The following INSL6 variants were observed in gnomAD, a reference collection of about 807,000 sequenced individuals.
INSL6 encodes insulin-like peptide INSL6.
In INSL6, 16 loss-of-function variants were observed where a neutral mutation model predicts 9.4. That is an observed-to-expected ratio of 1.70 (90% CI 1.15 to 2.59). INSL6 has a LOEUF of 2.59. Among genes scored for constraint, INSL6 ranks in the 30% most tolerant of loss-of-function variants. The probability of loss-of-function intolerance (pLI) is 0.00; values close to 1 mark genes in which losing one functional copy is unlikely to be tolerated. For synonymous variants in INSL6, 154 were observed against 96.9 expected (o/e 1.59, Z -3.46); for missense variants, 391 against 257.3 (o/e 1.52, Z -3.56).
At chr9:5,096,454 A>G in the INSL6 span, among the ~76,000 whole-genome samples, 2 of 152,186 alleles carry the variant, frequency 1.3e-5, no homozygotes, top group South Asian at 4.1e-4. Flanking sequence ...GTTAACAGCT[A>G]AATACCCTAA....
the INSL6 span, among the ~76,000 whole-genome samples, chr9:5,039,097 G>T: frequency 6.6e-6 from 1 of 152,120 alleles, no homozygotes; most frequent in African/African-American, 2.4e-5. Context: ...GATCAGGAAT[G>T]AGATGAGGAT....
the INSL6 span, chr9:5,041,689 G>T: frequency 5.9e-6 from 3 of 510,600 alleles, no homozygotes; most frequent in Non-Finnish European, 1.2e-5. Context: ...TTCGACCGAA[G>T]CGGCTTCGTG....
chr9:5,128,354 A>C (rs1032058137), intron 3 of INSL6, among the ~76,000 whole-genome samples: 3 of 151,852 alleles, frequency 2.0e-5, no homozygotes, highest in African/African-American at 7.2e-5. Context: ...ACAGTGAATT[A>C]GGTTTTAAAA....
At chr9:5,057,285 T>C in the INSL6 span, among the ~76,000 whole-genome samples, 3 of 152,140 alleles carry the variant, frequency 2.0e-5, no homozygotes, top group African/African-American at 7.2e-5. Flanking sequence ...GAAAGTAATT[T>C]TTGCTTATTA....
At chr9:5,092,030 G>A in the INSL6 span, among the ~76,000 whole-genome samples, 1 of 151,972 alleles carries the variant, frequency 6.6e-6, no homozygotes, top group African/African-American at 2.4e-5. Context: ...AATTCGGAGA[G>A]GATTATCATT....
the INSL6 span, among the ~76,000 whole-genome samples, chr9:5,075,803 G>A: frequency 1.3e-5 from 2 of 152,140 alleles, no homozygotes; most frequent in Non-Finnish European, 2.9e-5. Context: ...ATTTTGTAAG[G>A]CTAAGCTGCC....
intron 3 of INSL6, among the ~76,000 whole-genome samples, chr9:5,131,334 C>G (rs952406196): frequency 4.0e-5 from 6 of 151,780 alleles, no homozygotes; most frequent in Non-Finnish European, 8.8e-5. Flanking sequence ...TTTAAGACCC[C>G]TCAATTTTTT....
At chr9:5,143,326 C>A (rs1313900230) in intron 2 of INSL6, among the ~76,000 whole-genome samples, 1 of 151,196 alleles carries the variant, frequency 6.6e-6, no homozygotes, top group Non-Finnish European at 1.5e-5. Context: ...TGGTCCTGGG[C>A]CTTTTTTGGT....
chr9:5,142,507 T>C (rs1047617958), intron 2 of INSL6, among the ~76,000 whole-genome samples: 5 of 152,134 alleles, frequency 3.3e-5, no homozygotes, highest in African/African-American at 1.2e-4. Flanking sequence ...ACTTGAGGTG[T>C]TGTTAAGTGT....
the INSL6 span, among the ~76,000 whole-genome samples, chr9:5,118,222 T>C: frequency 4.6e-5 from 7 of 152,224 alleles, no homozygotes; most frequent in Admixed American, 3.9e-4. Context: ...AAAAAGATTA[T>C]ATGAATAGAC....
chr9:5,059,031 T>A, the INSL6 span, among the ~76,000 whole-genome samples: 92 of 152,332 alleles, frequency 6.0e-4, no homozygotes, highest in Middle Eastern at 3.4e-3. Context: ...TTTTAAAGTT[T>A]TAGCTAGTTC....
the INSL6 span, among the ~76,000 whole-genome samples, chr9:4,995,359 T>C: frequency 1.3e-5 from 2 of 152,232 alleles, no homozygotes; most frequent in Non-Finnish European, 2.9e-5. Flanking sequence ...GTTGTGCATC[T>C]AGGTAGGTTC....
At chr9:5,043,356 C>G in the INSL6 span, among the ~76,000 whole-genome samples, 13 of 151,496 alleles carry the variant, frequency 8.6e-5, no homozygotes, top group Non-Finnish European at 1.9e-4. Flanking sequence ...AAAAGATGCC[C>G]AACATCATTG....
At chr9:5,085,058 G>A in the INSL6 span, 1 of 715,734 alleles carries the variant, frequency 1.4e-6, no homozygotes, top group African/African-American at 1.8e-5. Flanking sequence ...CTGGGGATGA[G>A]AAGTTTACTG....
chr9:5,102,733 A>G, the INSL6 span, among the ~76,000 whole-genome samples: 6 of 152,238 alleles, frequency 3.9e-5, no homozygotes, highest in East Asian at 1.2e-3. Flanking sequence ...AGTGGAGGCC[A>G]ATATTCAACA....
intron 3 of INSL6, among the ~76,000 whole-genome samples, chr9:5,128,969 T>C (rs1012407559): frequency 2.0e-5 from 3 of 152,032 alleles, no homozygotes; most frequent in Non-Finnish European, 4.4e-5. Context: ...ACTTTTTCCA[T>C]GGGTACTTGT....
In INSL6 at chr9:5,148,481, T is replaced by C. The variant is rs77059830; in HGVS notation, c.377-14889A>G. On this transcript the variant is annotated intron_variant, in intron 2 of 3. Transcript: ENST00000649639. Reference sequence around the variant, plus strand: ...CCATCTCTGATCACTGGCACTGTGCTCACAATTTTGCTGTCAATATTATTA... The same window carrying C: ...CCATCTCTGATCACTGGCACTGTGCCCACAATTTTGCTGTCAATATTATTA... Among the ~76,000 whole-genome samples, 1,272 of 152,272 alleles carry C rather than the reference T, an allele frequency of 8.4e-3. 20 individuals carry two copies. The highest frequency in any genetic ancestry group is 0.029 in the African/African-American group (1,193 of 41,556).
the INSL6 span, among the ~76,000 whole-genome samples, chr9:5,005,789 T>A: frequency 6.6e-6 from 1 of 152,218 alleles, no homozygotes; most frequent in East Asian, 1.9e-4. Flanking sequence ...GGGCATTACA[T>A]TTTCTATGTG....
the INSL6 span, chr9:5,044,543 G>C: frequency 1.5e-6 from 2 of 1,323,552 alleles, no homozygotes; most frequent in South Asian, 2.6e-5. Context: ...TATCTTACTT[G>C]TACATGAGTT....
Sources: gnomAD v4.1 joint callset for allele counts (sites outside exome capture counted in the v4.1 genomes callset) on GRCh38, gnomAD v4.1.1 for gene constraint, MANE v1.5 for transcripts, NCBI Gene and HGNC (gene_info 2026-07-23, HGNC 2026-07-21) for gene names.